Variants in EXD1 observed in about 807,000 individuals in gnomAD.
EXD1 encodes the protein piRNA biogenesis protein EXD1.
Under a neutral mutation model 49.1 loss-of-function variants are expected in EXD1, and 63 were observed. That is an observed-to-expected ratio of 1.28 (90% CI 1.05 to 1.58). EXD1 has a LOEUF of 1.58. Among genes scored for constraint, EXD1 ranks in the 40% most tolerant of loss-of-function variants. The probability of loss-of-function intolerance (pLI) is 0.00; values close to 1 mark genes in which losing one functional copy is unlikely to be tolerated. For missense variants in EXD1, 748 were observed against 666.0 expected, an observed-to-expected ratio of 1.12 and a Z score of -1.36; for synonymous variants, 234 against 239.2, an observed-to-expected ratio of 0.98 and a Z score of 0.20.
chr15:41,202,641 G>T (rs1007334107), intron 7 of EXD1, among the ~76,000 whole-genome samples: 1 of 152,006 alleles, frequency 6.6e-6, no homozygotes, highest in Non-Finnish European at 1.5e-5. Flanking sequence ...TAATGTTTTT[G>T]TTTTTTGTAG....
chr15:41,226,728 G>T, intron 1 of EXD1, 100 bp from the exon 2 acceptor site: 1 of 956,368 alleles, frequency 1.0e-6, no homozygotes, highest in Non-Finnish European at 1.5e-6. Context: ...AATAAAATCT[G>T]AATAATTCAG....
In EXD1 at chr15:41,183,459, G is replaced by GT. The variant is rs1419158952; in HGVS notation, c.*471dup. 2.0e-5 allele frequency: 3 copies of GT among 148,194 alleles called. No individual in the cohort carries two copies. The highest frequency in any genetic ancestry group is 4.6e-4 in the South Asian group (2 of 4,338). 9.2% of individuals were successfully genotyped at this position (148,194 alleles called of 1,614,324 possible). Reference sequence around the variant, plus strand: ...GTGTAGCCCTGCTCCACAAGGAGCGGTAAAAAAAAATAAATAAAACAAATA... The same window carrying GT: ...GTGTAGCCCTGCTCCACAAGGAGCGGTTAAAAAAAAATAAATAAAACAAATA... On this transcript the variant is annotated 3_prime_UTR_variant, in exon 12 of 12. Coordinates refer to ENST00000458580, the MANE Select transcript of EXD1 (RefSeq NM_001286441.2).
rs1471194642 is a variant in EXD1 at position 41,199,735 on chromosome 15, A to G, written c.535-3698T>C. Among the ~76,000 whole-genome samples the G allele has an allele frequency of 5.0e-5, 3 of 60,494 alleles. 1 individual carries two copies. Among genetic ancestry groups the G allele is most frequent in the African/African-American group, 1.9e-4 (3 of 15,688 alleles). The allele number at this position is 60,494 out of a possible 152,430, so 39.7% of individuals were successfully genotyped here. On this transcript the variant is annotated intron_variant, in intron 7 of 11. Coordinates refer to ENST00000458580, the MANE Select transcript of EXD1 (RefSeq NM_001286441.2). ...ATATATGATATATTATATATGATAT[A>G]TATGTCATATATTATATATGATACA... is the stretch of plus-strand genomic sequence containing the variant.
intron 11 of EXD1, among the ~76,000 whole-genome samples, chr15:41,189,679 TA>T (rs2046474356): frequency 2.0e-5 from 3 of 150,976 alleles, no homozygotes; most frequent in Admixed American, 2.0e-4. Flanking sequence ...AATAAATAAA[TA>T]AAATAAAATA....
At position 41,184,447 on chromosome 15, in the gene EXD1, C is replaced by A. The variant is rs1292908338; in HGVS notation, c.1203G>T (p.Glu401Asp). 1 of 1,614,146 alleles carries A rather than the reference C, an allele frequency of 6.2e-7. No individual in the cohort carries two copies. The highest frequency in any genetic ancestry group is 1.1e-5 in the South Asian group (1 of 91,084). Residue 401 changes from glutamate to aspartate, a missense_variant, in exon 12 of 12, where the codon GAG (glutamate) becomes GAT (aspartate). Physicochemically the swap from Glu to Asp is conservative, Grantham distance 45. Coordinates refer to ENST00000458580, the MANE Select transcript of EXD1 (RefSeq NM_001286441.2). The part of the protein sequence containing the change: ...TVLQPKKLVT[E>D]TAGKEEKVKG... The stretch of plus-strand genomic sequence containing the variant: ...TGACTTTCTCCTCTTTCCCTGCTGT[C>A]TCTGTCACTAATTTCTTTGGCTGTA...
intron 9 of EXD1, chr15:41,191,945 T>A (rs533317944): frequency 5.4e-6 from 1 of 184,306 alleles, no homozygotes; most frequent in East Asian, 1.5e-4. Flanking sequence ...CCTGGCTAAT[T>A]TTCAACTTTT....
chr15:41,192,516 C>T (rs1393815950), intron 9 of EXD1, among the ~76,000 whole-genome samples: 2 of 148,504 alleles, frequency 1.3e-5, no homozygotes, highest in African/African-American at 2.5e-5. Flanking sequence ...AGGATAGTCT[C>T]GATCTCTTGA....
At chr15:41,207,570 G>A (rs1457162632) in intron 7 of EXD1, among the ~76,000 whole-genome samples, 1 of 151,834 alleles carries the variant, frequency 6.6e-6, no homozygotes, top group African/African-American at 2.4e-5. Flanking sequence ...AAAAATAAAC[G>A]TAGTGCCTCT....
At chr15:41,210,146 C>T (rs1210577287) in intron 6 of EXD1, among the ~76,000 whole-genome samples, 3 of 152,146 alleles carry the variant, frequency 2.0e-5, no homozygotes, top group African/African-American at 7.2e-5. Context: ...AACTCCTGAC[C>T]TCAAGTGATC....
chr15:41,211,724 C>T (rs2046923834), intron 6 of EXD1, among the ~76,000 whole-genome samples: 1 of 148,342 alleles, frequency 6.7e-6, no homozygotes, highest in African/African-American at 2.6e-5. Flanking sequence ...CTTTGGGAGG[C>T]CGAGGAAGAC....
At chr15:41,215,967 C>T in intron 5 of EXD1, 134 bp from the exon 6 acceptor site, 2 of 737,474 alleles carry the variant, frequency 2.7e-6, no homozygotes, top group Non-Finnish European at 2.4e-6. Flanking sequence ...AACCACCCTC[C>T]CTACGTACTA....
chr15:41,191,626 T>C (rs887399512), intron 9 of EXD1, 41 bp from the exon 10 acceptor site: 2 of 1,572,216 alleles, frequency 1.3e-6, no homozygotes, highest in Non-Finnish European at 1.7e-6. Flanking sequence ...GTTGAATATA[T>C]ACAGAGAGCT....
At chr15:41,221,411 G>A (rs1384739417) in intron 2 of EXD1, among the ~76,000 whole-genome samples, 1 of 151,818 alleles carries the variant, frequency 6.6e-6, no homozygotes, top group East Asian at 2.0e-4. Flanking sequence ...GGTTGGGACT[G>A]CAGGCTTGTG....
At chr15:41,199,761 T>TATATGTGATATATAATATATCAC (rs2046691886) in intron 7 of EXD1, among the ~76,000 whole-genome samples, 1 of 135,494 alleles carries the variant, frequency 7.4e-6, no homozygotes, top group Non-Finnish European at 1.5e-5. Flanking sequence ...ATATGATACA[T>TATATGTGATATATAATATATCAC]ATATGATATA....
chr15:41,207,435 G>A (rs962449918), intron 7 of EXD1, among the ~76,000 whole-genome samples: 5 of 151,892 alleles, frequency 3.3e-5, no homozygotes, highest in African/African-American at 1.2e-4. Context: ...CTACTCGGGA[G>A]AGGCTGAGGC....
Position 41,219,852 on chromosome 15 carries a change from A to C in EXD1, c.180T>G (p.Phe60Leu). The C allele has an allele frequency of 1.3e-6, 2 of 1,535,930 alleles. No homozygotes were observed. The highest frequency in any genetic ancestry group is 1.7e-6 in the Non-Finnish European group (2 of 1,146,834). The change falls in exon 3 of 12, where the codon TTT becomes TTG. Residue 60 changes from phenylalanine (F) to leucine (L), a missense_variant. Phe to Leu is a conservative substitution (Grantham distance 22, BLOSUM62 0). Coordinates refer to ENST00000458580, the MANE Select transcript of EXD1 (RefSeq NM_001286441.2). The part of the protein sequence containing the change: ...TGRSVPGVKL[F>L]FGHEIVNVEL... ...CACCATTCACAATCTCATGCCCAAA[A>C]AACAACTTCACTCCTGGGACACTTC...
intron 1 of EXD1, among the ~76,000 whole-genome samples, chr15:41,229,916 G>C (rs2140914268): frequency 1.3e-5 from 2 of 152,172 alleles, no homozygotes; most frequent in East Asian, 3.9e-4. Flanking sequence ...GGGAAAGCCT[G>C]CTACGACAAA....
At chr15:41,188,035 A>G (rs1269321777) in intron 11 of EXD1, among the ~76,000 whole-genome samples, 1 of 144,066 alleles carries the variant, frequency 6.9e-6, no homozygotes, top group Non-Finnish European at 1.5e-5. Context: ...AAAAAAAAAA[A>G]AAGCTAGTAT....
At position 41,206,511 on chromosome 15, in the gene EXD1, GA is replaced by G. The variant is rs2046824889; in HGVS notation, c.534+2989del. ...AAAAAAAAGAAACAGGAAAATAGCA[GA>G]AACTACATTTCAATGTGTTAAAAGT... is the stretch of plus-strand genomic sequence containing the variant. On this transcript the variant is annotated intron_variant, in intron 7 of 11. Coordinates refer to ENST00000458580, the MANE Select transcript of EXD1 (RefSeq NM_001286441.2). Among the ~76,000 whole-genome samples the G allele has an allele frequency of 2.1e-5, 3 of 144,114 alleles. No homozygotes were observed. In the South Asian group the frequency reaches 6.6e-4, roughly 32 times the overall value. 94.5% of individuals were successfully genotyped at this position (144,114 alleles called of 152,430 possible).
Sources: allele counts gnomAD v4.1 joint callset (sites outside exome capture counted in the v4.1 genomes callset), GRCh38; gene constraint gnomAD v4.1.1; transcripts MANE v1.5; gene names NCBI Gene and HGNC (gene_info 2026-07-23, HGNC 2026-07-21).